The following ZCCHC14 variants were observed in gnomAD, a reference collection of about 807,000 sequenced individuals.
ZCCHC14 encodes zinc finger CCHC domain-containing protein 14.
ZCCHC14 carries 16 observed loss-of-function variants against 85.0 expected under a neutral mutation model. The observed-to-expected ratio is 0.19, with a 90% CI of 0.13 to 0.29. ZCCHC14 has a LOEUF of 0.29. Ranked by LOEUF, ZCCHC14 falls within the 10% of genes least tolerant of loss-of-function variation. The pLI is 1.00. For synonymous variants in ZCCHC14, 775 were observed against 630.7 expected (o/e 1.23, Z -3.43); for missense variants, 1,303 against 1,443.5 (o/e 0.90, Z 1.58).
chr16:87,460,565 C>CTATA (rs1911209865), intron 1 of ZCCHC14, among the ~76,000 whole-genome samples: 2 of 152,096 alleles, frequency 1.3e-5, no homozygotes, highest in Admixed American at 1.3e-4. Context: ...TGGCAAGTGC[C>CTATA]TATAGTCCCA....
chr16:87,414,670 C>T, intron 9 of ZCCHC14, 129 bp from the exon 10 acceptor site: 1 of 1,275,452 alleles, frequency 7.8e-7, no homozygotes, highest in South Asian at 1.5e-5. Context: ...GATGGGTCTA[C>T]TCCACACCAC....
At chr16:87,440,620 T>C (rs749731247) in intron 2 of ZCCHC14, among the ~76,000 whole-genome samples, 14 of 152,096 alleles carry the variant, frequency 9.2e-5, no homozygotes, top group Non-Finnish European at 1.8e-4. Flanking sequence ...CCCTTCATTT[T>C]CTTTTTGACA....
chr16:87,454,466 G>C (rs552526782), intron 2 of ZCCHC14, among the ~76,000 whole-genome samples: 6 of 152,246 alleles, frequency 3.9e-5, no homozygotes, highest in African/African-American at 9.6e-5. Context: ...ACAAGAGCCA[G>C]AATATAGCAA....
chr16:87,438,241 G>A (rs544774108), intron 2 of ZCCHC14, among the ~76,000 whole-genome samples: 7 of 152,406 alleles, frequency 4.6e-5, no homozygotes, highest in South Asian at 2.1e-4. Context: ...CCGGCTGGAC[G>A]GCGTGCACGG....
intron 2 of ZCCHC14, among the ~76,000 whole-genome samples, chr16:87,455,579 T>G (rs1910917169): frequency 6.6e-6 from 1 of 152,218 alleles, no homozygotes; most frequent in South Asian, 2.1e-4. Context: ...CACATTTTCT[T>G]CAGGGAAATT....
intron 1 of ZCCHC14, among the ~76,000 whole-genome samples, chr16:87,478,147 A>C (rs1412753284): frequency 6.6e-6 from 1 of 152,160 alleles, no homozygotes; most frequent in Non-Finnish European, 1.5e-5. Flanking sequence ...AAAGCCTTCC[A>C]CCTATTTAAA....
Position 87,460,097 on chromosome 16 carries a change from A to G in ZCCHC14, c.605T>C (p.Val202Ala), listed in dbSNP as rs1415906540. 6.2e-7 allele frequency: 1 copy of G among 1,614,106 alleles called. No homozygotes were observed. Among genetic ancestry groups the G allele is most frequent in the Admixed American group, 1.7e-5 (1 of 60,024 alleles). The change falls in exon 2 of 13, where the codon GTC (valine) becomes GCC (alanine). Residue 202 changes from valine to alanine, a missense_variant. Val to Ala is a moderately conservative substitution (Grantham distance 64). Around this residue, in one of 7 missense-constraint regions of ZCCHC14, gnomAD observed 389 missense variants for 397.8 expected, o/e 0.98. Transcript: ENST00000671377. ...TPRTEAPVSS[V>A]SNSLENALHT... is the part of the protein sequence containing the mutation. ...CAGGGCATTCTCCAAACTATTACTG[A>G]CACTGCTGACAGGGGCCTCAGTTCT...
intron 2 of ZCCHC14, 44 bp downstream of exon 2, chr16:87,459,961 ATCC>A (rs781549611): frequency 1.2e-6 from 2 of 1,613,012 alleles, no homozygotes; most frequent in Non-Finnish European, 1.7e-6. Context: ...GGGTGTGCCC[ATCC>A]TCCGTCCGTC....
chr16:87,482,269 C>G (rs1372889938), intron 1 of ZCCHC14, among the ~76,000 whole-genome samples: 4 of 152,090 alleles, frequency 2.6e-5, no homozygotes. Context: ...ATCAGTGTGA[C>G]TGGCAAAACC....
At chr16:87,433,243 G>T in intron 2 of ZCCHC14, 42 bp from the exon 3 acceptor site, 2 of 1,562,406 alleles carry the variant, frequency 1.3e-6, no homozygotes, top group Non-Finnish European at 8.8e-7. Flanking sequence ...ATAAGAGCTT[G>T]AAGTATATAC....
At chr16:87,487,636 G>A (rs908077980) in intron 1 of ZCCHC14, among the ~76,000 whole-genome samples, 2 of 152,262 alleles carry the variant, frequency 1.3e-5, no homozygotes, top group Admixed American at 1.3e-4. Context: ...GTCCACAGAG[G>A]ATGCGCTAAG....
At chr16:87,467,045 G>GTTTTTTT (rs11313580) in intron 1 of ZCCHC14, 1 of 270,734 alleles carries the variant, frequency 3.7e-6, no homozygotes, top group African/African-American at 2.7e-5. Context: ...AAAAAAAATT[G>GTTTTTTT]TTTTTTTTTT....
At chr16:87,477,226 T>C (rs770807790) in intron 1 of ZCCHC14, among the ~76,000 whole-genome samples, 35 of 151,752 alleles carry the variant, frequency 2.3e-4, no homozygotes, top group Non-Finnish European at 4.6e-4. Flanking sequence ...ATGTAGGTTT[T>C]ACCTTTAAAT....
chr16:87,444,670 A>G (rs7198305), intron 2 of ZCCHC14, among the ~76,000 whole-genome samples: 118,557 of 151,682 alleles, frequency 0.78, 47,417 homozygotes, highest in Non-Finnish European at 0.88. Context: ...GAGAAGTATC[A>G]AACAAACCCA....
At chr16:87,467,408 C>A in intron 1 of ZCCHC14, 1 of 1,601,972 alleles carries the variant, frequency 6.2e-7, no homozygotes, top group Non-Finnish European at 8.5e-7. Flanking sequence ...GTCAGGCAAG[C>A]TCTCCTGGAG....
At chr16:87,475,292 C>G (rs551728173) in intron 1 of ZCCHC14, among the ~76,000 whole-genome samples, 12 of 152,266 alleles carry the variant, frequency 7.9e-5, no homozygotes, top group African/African-American at 2.9e-4. Flanking sequence ...TGGCTCACGC[C>G]TGTAATCTCA....
At chr16:87,453,320 T>C (rs1424232118) in intron 2 of ZCCHC14, among the ~76,000 whole-genome samples, 2 of 152,206 alleles carry the variant, frequency 1.3e-5, no homozygotes, top group African/African-American at 4.8e-5. Flanking sequence ...AAAAATGTAT[T>C]TACAGAACAA....
chr16:87,410,523 A>C (rs993180906), intron 12 of ZCCHC14, among the ~76,000 whole-genome samples, 188 bp from the exon 13 acceptor site: 1 of 152,212 alleles, frequency 6.6e-6, no homozygotes, highest in African/African-American at 2.4e-5. Context: ...AAGTTTATCA[A>C]ATCTGACCGG....
intron 2 of ZCCHC14, among the ~76,000 whole-genome samples, chr16:87,458,750 T>C (rs975195801): frequency 7.9e-5 from 12 of 152,264 alleles, no homozygotes; most frequent in African/African-American, 2.9e-4. Context: ...CGAGTGCGGC[T>C]CTGGGCCTCA....
Sources: gnomAD v4.1 joint callset for allele counts (sites outside exome capture counted in the v4.1 genomes callset) on GRCh38, gnomAD v4.1.1 for gene constraint, gnomAD v4.1.1 regional missense constraint, MANE v1.5 for transcripts, NCBI Gene and HGNC (gene_info 2026-07-23, HGNC 2026-07-21) for gene names.